CYP3A43: variants seen among roughly 807,000 people sequenced by gnomAD.
CYP3A43 encodes cytochrome P450 family 3 subfamily A member 43, also known as cytochrome P450 3A43.
Under a neutral mutation model 58.0 loss-of-function variants are expected in CYP3A43, and 45 were observed. The observed-to-expected ratio is 0.78, with a 90% CI of 0.61 to 0.99. CYP3A43 has a LOEUF of 0.99. Ranked by LOEUF, CYP3A43 falls within the 50% of genes least tolerant of loss-of-function variation. The pLI is 0.00. For synonymous variants in CYP3A43, 191 were observed against 201.4 expected (o/e 0.95, Z 0.44); for missense variants, 593 against 591.9 (o/e 1.00, Z -0.02).
At position 99,861,726 on chromosome 7, in the gene CYP3A43, T is replaced by C; in HGVS notation, c.1140T>C (p.Asp380=). 3 of 1,614,188 alleles carry C rather than the reference T, an allele frequency of 1.9e-6. No homozygotes were observed. Among genetic ancestry groups the C allele is most frequent in the Non-Finnish European group, 2.5e-6 (3 of 1,180,022 alleles). The change falls in exon 11 of 13, where the codon GAT becomes GAC. Residue 380 remains aspartate (D), a synonymous_variant. Transcript: ENST00000354829. ...GAGTTACGAGAGTCTGCAAGAAAGA[T>C]ATTGAAATCAATGGAGTGTTCATTC... ...VSRVTRVCKK[D]IEINGVFIPK... is the part of the protein sequence containing the mutation.
chr7:99,854,338 C>G (rs1817890648), intron 7 of CYP3A43, among the ~76,000 whole-genome samples: 1 of 151,416 alleles, frequency 6.6e-6, no homozygotes, highest in South Asian at 2.1e-4. Context: ...TCCTGAGTAG[C>G]TGGGATTACA....
At chr7:99,861,137 G>C (rs1818215543) in intron 10 of CYP3A43, among the ~76,000 whole-genome samples, 1 of 152,198 alleles carries the variant, frequency 6.6e-6, no homozygotes, top group Non-Finnish European at 1.5e-5. Flanking sequence ...GCCTCCCAAA[G>C]TGTTGGGATT....
At chr7:99,860,030 A>T (rs756278813) in intron 10 of CYP3A43, 40 bp downstream of exon 10, 3 of 1,535,400 alleles carry the variant, frequency 2.0e-6, no homozygotes, top group Non-Finnish European at 2.6e-6. Flanking sequence ...GAGAAGGTGA[A>T]GCCTCAGCAA....
At chr7:99,855,088 C>A (rs186488304) in intron 7 of CYP3A43, among the ~76,000 whole-genome samples, 94 of 152,240 alleles carry the variant, frequency 6.2e-4, no homozygotes, top group African/African-American at 2.2e-3. Context: ...CCATGTTGGT[C>A]AGGCTGGTCT....
chr7:99,862,358 T>G (rs770176987), intron 11 of CYP3A43, among the ~76,000 whole-genome samples: 1 of 152,208 alleles, frequency 6.6e-6, no homozygotes, highest in South Asian at 2.1e-4. Context: ...AATGTAACTG[T>G]GAAAGTGCAG....
intron 9 of CYP3A43, among the ~76,000 whole-genome samples, chr7:99,858,805 G>A (rs1400047623): frequency 5.3e-5 from 8 of 151,818 alleles, no homozygotes; most frequent in African/African-American, 1.5e-4. Flanking sequence ...CAATTCTCCT[G>A]CCTCAGCCTC....
At position 99,828,200 on chromosome 7, in the gene CYP3A43, C is replaced by G. The variant is rs1816702492; in HGVS notation, c.71+14C>G. On this transcript the variant is annotated intron_variant, in intron 1 of 12. Coordinates refer to ENST00000354829, the MANE Select transcript of CYP3A43 (RefSeq NM_057095.3). ...ACTCCTCTATATGTGAGTAACTATGCAGGCATGTTTGCTCTTAACTCTAAG... is the reference window on the plus strand; with the variant it reads ...ACTCCTCTATATGTGAGTAACTATGGAGGCATGTTTGCTCTTAACTCTAAG... The G allele has an allele frequency of 6.3e-7, 1 of 1,583,848 alleles. No individual in the cohort carries two copies. Among genetic ancestry groups the G allele is most frequent in the Admixed American group, 1.7e-5 (1 of 58,350 alleles).
chr7:99,855,205 C>T (rs924950828), intron 7 of CYP3A43, among the ~76,000 whole-genome samples: 2 of 152,110 alleles, frequency 1.3e-5, no homozygotes, highest in East Asian at 1.9e-4. Context: ...GGACATTTGC[C>T]GTATTGTTTC....
At chr7:99,839,458 A>G in intron 3 of CYP3A43, 1 of 613,050 alleles carries the variant, frequency 1.6e-6, no homozygotes, top group Non-Finnish European at 3.0e-6. Flanking sequence ...CTTGAGAATT[A>G]AGTCATACCT....
chr7:99,850,378 C>T (rs1044879092), intron 7 of CYP3A43, among the ~76,000 whole-genome samples: 1 of 152,108 alleles, frequency 6.6e-6, no homozygotes, highest in African/African-American at 2.4e-5. Context: ...TTTCCTGCCT[C>T]AGCCTCCCAA....
At chr7:99,832,729 A>G (rs1178014598) in intron 1 of CYP3A43, among the ~76,000 whole-genome samples, 1 of 151,904 alleles carries the variant, frequency 6.6e-6, no homozygotes, top group Non-Finnish European at 1.5e-5. Flanking sequence ...AACAAGAAAA[A>G]AAAAGTGTGA....
At chr7:99,845,570 C>A (rs1449492689) in intron 4 of CYP3A43, among the ~76,000 whole-genome samples, 1 of 151,926 alleles carries the variant, frequency 6.6e-6, no homozygotes, top group African/African-American at 2.4e-5. Flanking sequence ...GATTCACCCA[C>A]CTCAACCTCC....
intron 3 of CYP3A43, among the ~76,000 whole-genome samples, chr7:99,839,933 T>A (rs1239999298): frequency 2.0e-5 from 3 of 152,304 alleles, no homozygotes; most frequent in Middle Eastern, 3.4e-3. Flanking sequence ...GATGGTTCTC[T>A]TCCTGGCTGG....
intron 2 of CYP3A43, 119 bp downstream of exon 2, chr7:99,836,665 G>A (rs1817094112): frequency 1.4e-6 from 1 of 714,072 alleles, no homozygotes; most frequent in Non-Finnish European, 2.3e-6. Flanking sequence ...TTCAGAAATG[G>A]TGTGTATGCT....
At position 99,848,022 on chromosome 7, in the gene CYP3A43, G is replaced by T; in HGVS notation, c.433-144G>T. On this transcript the variant is annotated intron_variant, in intron 5 of 12. Coordinates refer to ENST00000354829, the MANE Select transcript of CYP3A43 (RefSeq NM_057095.3). ...GCGAAACTCTGTCTCAAAAAAAAGG[G>T]GCAGGGGGCGGTCTTTTCTATTTAT... 4 of 790,342 alleles carry T rather than the reference G, an allele frequency of 5.1e-6. No individual in the cohort carries two copies. The Admixed American group carries it at 7.8e-5, about 15-fold the overall frequency. 49.0% of individuals were successfully genotyped at this position (790,342 alleles called of 1,614,324 possible).
chr7:99,852,916 C>T (rs923172950), intron 7 of CYP3A43, among the ~76,000 whole-genome samples: 1 of 152,214 alleles, frequency 6.6e-6, no homozygotes, highest in Non-Finnish European at 1.5e-5. Context: ...TGGTATATTA[C>T]ACAACCTTGT....
At position 99,836,491 on chromosome 7, in the gene CYP3A43, G is replaced by A. The variant is rs767486696; in HGVS notation, c.110G>A (p.Gly37Glu). The stretch of plus-strand genomic sequence containing the variant: ...TCACATAAACTTTTTAAGAAGCTGG[G>A]AATTCCTGGGCCAACCCCTCTGCCT... ...THSHKLFKKL[G>E]IPGPTPLPFL... The change falls in exon 2 of 13, where the codon GGA becomes GAA. Residue 37 changes from glycine (G) to glutamate (E), a missense_variant. By Grantham distance (98) the Gly-to-Glu change is moderately conservative. Coordinates refer to ENST00000354829, the MANE Select transcript of CYP3A43 (RefSeq NM_057095.3). 9 of 1,610,706 alleles carry A rather than the reference G, an allele frequency of 5.6e-6. No homozygotes were observed. In the South Asian group the frequency reaches 1.0e-4, roughly 18 times the overall value.
chr7:99,865,862 C>A, intron 12 of CYP3A43, 44 bp from the exon 13 acceptor site: 1 of 1,366,054 alleles, frequency 7.3e-7, no homozygotes, highest in Non-Finnish European at 9.9e-7. Flanking sequence ...ATCTTTTCTT[C>A]ATTTGCTTCA....
At chr7:99,857,371 G>A (rs550605664) in intron 9 of CYP3A43, among the ~76,000 whole-genome samples, 1 of 152,240 alleles carries the variant, frequency 6.6e-6, no homozygotes, top group East Asian at 1.9e-4. Flanking sequence ...CTTTAAGACT[G>A]TGTAATGTCC....
Sources: gnomAD v4.1 joint callset for allele counts (sites outside exome capture counted in the v4.1 genomes callset) on GRCh38, gnomAD v4.1.1 for gene constraint, MANE v1.5 for transcripts, NCBI Gene and HGNC (gene_info 2026-07-23, HGNC 2026-07-21) for gene names.